The following NRG1 variants were observed in gnomAD, a reference collection of about 807,000 sequenced individuals.
NRG1 encodes pro-neuregulin-1, membrane-bound isoform.
NRG1 carries 18 observed loss-of-function variants against 63.8 expected under a neutral mutation model. The ratio of observed to expected loss-of-function variants is 0.28; its 90% CI spans 0.19 to 0.42. The LOEUF is 0.42. Among genes scored for constraint, NRG1 ranks in the 10% least tolerant of loss-of-function variants. NRG1 has a pLI of 1.00. For synonymous variants in NRG1, 302 were observed against 301.3 expected (o/e 1.00, Z -0.02); for missense variants, 762 against 814.7 (o/e 0.94, Z 0.79).
At chr8:32,561,529 T>C (rs558930351) in intron 1 of NRG1, among the ~76,000 whole-genome samples, 1 of 152,240 alleles carries the variant, frequency 6.6e-6, no homozygotes, top group South Asian at 2.1e-4. Flanking sequence ...TCTTAAACTT[T>C]TTTTAGCACC....
intron 1 of NRG1, among the ~76,000 whole-genome samples, chr8:32,140,253 T>C (rs572659460): frequency 1.3e-5 from 2 of 152,244 alleles, no homozygotes; most frequent in South Asian, 2.1e-4. Context: ...TAAGCAGTGG[T>C]GTATCATTTT....
rs572069319 is a variant in NRG1, at chr8:31,759,335, C to CT, written c.37+119913dup. ...GCCTATCAAGTTTATGATATAATCTCTTTTTTTTTCTTCTAGGATCTTCAG... is the reference window on the plus strand; with the variant it reads ...GCCTATCAAGTTTATGATATAATCTCTTTTTTTTTTCTTCTAGGATCTTCAG... On this transcript the variant is annotated intron_variant, in intron 1 of 10. Coordinates refer to the NRG1 transcript ENST00000519301. Among the ~76,000 whole-genome samples the CT allele has an allele frequency of 5.0e-4, 76 of 151,348 alleles. 1 individual carries two copies. The South Asian group carries it at 0.014, about 29-fold the overall frequency.
chr8:32,628,997 G>T (rs903667932), intron 5 of NRG1, among the ~76,000 whole-genome samples: 1 of 152,066 alleles, frequency 6.6e-6, no homozygotes, highest in Admixed American at 6.6e-5. Flanking sequence ...GCCTCCCAAA[G>T]GGCTGGTATT....
At chr8:31,980,475 T>C (rs1216228884) in intron 1 of NRG1, among the ~76,000 whole-genome samples, 2 of 152,112 alleles carry the variant, frequency 1.3e-5, no homozygotes, top group South Asian at 2.1e-4. Flanking sequence ...TGCTAGAGTT[T>C]CCTAATAGCC....
At chr8:32,187,988 C>G (rs930178323) in intron 1 of NRG1, among the ~76,000 whole-genome samples, 2 of 152,144 alleles carry the variant, frequency 1.3e-5, no homozygotes, top group Non-Finnish European at 2.9e-5. Context: ...GGTCGACACT[C>G]TCAGGGAAGA....
At chr8:31,954,699 C>A (rs958216582) in intron 1 of NRG1, among the ~76,000 whole-genome samples, 1 of 152,186 alleles carries the variant, frequency 6.6e-6, no homozygotes. Flanking sequence ...AAGATTGCTT[C>A]TCTCTTTGTG....
At chr8:32,216,281 G>A (rs1845216548) in intron 1 of NRG1, among the ~76,000 whole-genome samples, 1 of 149,880 alleles carries the variant, frequency 6.7e-6, no homozygotes, top group African/African-American at 2.4e-5. Flanking sequence ...TCTTTTAGTT[G>A]GAATGAGCCT....
At chr8:32,131,719 A>G (rs1834846089) in intron 1 of NRG1, among the ~76,000 whole-genome samples, 1 of 152,018 alleles carries the variant, frequency 6.6e-6, no homozygotes, top group Non-Finnish European at 1.5e-5. Context: ...TCTTACTCCC[A>G]TGGATATTGG....
chr8:31,841,075 T>C (rs1403708497), intron 1 of NRG1, among the ~76,000 whole-genome samples: 8 of 152,212 alleles, frequency 5.3e-5, no homozygotes, highest in Admixed American at 5.2e-4. Flanking sequence ...CTGGTTATTG[T>C]ATTTGTGATA....
At chr8:32,037,364 G>A (rs1009596641) in intron 1 of NRG1, among the ~76,000 whole-genome samples, 2 of 152,154 alleles carry the variant, frequency 1.3e-5, no homozygotes, top group Admixed American at 1.3e-4. Context: ...TGTATGAGGT[G>A]TATGGAGACC....
At chr8:32,538,961 C>A (rs1357459186) in intron 1 of NRG1, among the ~76,000 whole-genome samples, 1 of 152,088 alleles carries the variant, frequency 6.6e-6, no homozygotes. Flanking sequence ...CAGGAAAAAA[C>A]AGAAGAGGAA....
intron 1 of NRG1, among the ~76,000 whole-genome samples, chr8:32,556,368 C>G (rs1458615250): frequency 1.3e-5 from 2 of 152,146 alleles, no homozygotes; most frequent in Non-Finnish European, 2.9e-5. Context: ...ATGAATTTAG[C>G]ATAAAATTAG....
intron 5 of NRG1, among the ~76,000 whole-genome samples, chr8:32,688,499 A>G (rs759880525): frequency 7.2e-5 from 11 of 152,180 alleles, no homozygotes; most frequent in Non-Finnish European, 1.3e-4. Context: ...TTATGATCAA[A>G]TCATCATTAC....
chr8:32,036,071 G>A (rs1042793239), intron 1 of NRG1, among the ~76,000 whole-genome samples: 1 of 152,182 alleles, frequency 6.6e-6, no homozygotes. Flanking sequence ...GCTGGTAACA[G>A]GTTTTCACTT....
chr8:32,373,653 C>T (rs768928363), intron 1 of NRG1, among the ~76,000 whole-genome samples: 5 of 152,050 alleles, frequency 3.3e-5, no homozygotes, highest in Non-Finnish European at 7.4e-5. Context: ...TGGCAGGCAC[C>T]TGTAATCCCA....
chr8:32,651,763 T>C (rs887421512), intron 5 of NRG1, among the ~76,000 whole-genome samples: 1 of 152,182 alleles, frequency 6.6e-6, no homozygotes, highest in African/African-American at 2.4e-5. Flanking sequence ...CCATAGGATT[T>C]CTTTCCTTCT....
chr8:32,009,224 C>T (rs1336206448), intron 1 of NRG1, among the ~76,000 whole-genome samples: 3 of 152,024 alleles, frequency 2.0e-5, no homozygotes, highest in African/African-American at 7.2e-5. Context: ...CAGTAAGTAT[C>T]ACCTCTCCTT....
At chr8:32,296,063 T>C (rs1014062936) in intron 1 of NRG1, among the ~76,000 whole-genome samples, 8 of 152,102 alleles carry the variant, frequency 5.3e-5, no homozygotes, top group Admixed American at 4.6e-4. Context: ...GAATTTATCA[T>C]TGGCAAGATA....
chr8:31,745,390 C>T (rs1188699865), intron 1 of NRG1, among the ~76,000 whole-genome samples: 2 of 151,832 alleles, frequency 1.3e-5, no homozygotes, highest in East Asian at 1.9e-4. Flanking sequence ...CTGTAAAACT[C>T]GGTGGTTCAG....
Sources: gnomAD v4.1 joint callset for allele counts (sites outside exome capture counted in the v4.1 genomes callset) on GRCh38, gnomAD v4.1.1 for gene constraint, MANE v1.5 for transcripts, NCBI Gene and HGNC (gene_info 2026-07-23, HGNC 2026-07-21) for gene names.